Variants in CAMKMT observed in about 807,000 individuals in gnomAD.
CAMKMT encodes the protein CaM KMT.
CAMKMT carries 53 observed loss-of-function variants against 48.0 expected under a neutral mutation model. The ratio of observed to expected loss-of-function variants is 1.10; its 90% CI spans 0.89 to 1.39. CAMKMT has a LOEUF of 1.39. CAMKMT is among the 40% of genes most tolerant of loss of function. CAMKMT has a pLI of 0.00. For synonymous variants in CAMKMT, 165 were observed against 152.3 expected (o/e 1.08, Z -0.61); for missense variants, 428 against 402.7 (o/e 1.06, Z -0.54).
At chr2:44,629,966 A>G (rs966944663) in intron 3 of CAMKMT, among the ~76,000 whole-genome samples, 18 of 151,904 alleles carry the variant, frequency 1.2e-4, no homozygotes, top group Non-Finnish European at 2.1e-4. Context: ...GAACAAAGCC[A>G]GAGGCATCAC....
chr2:44,627,261 T>C (rs1251930986), intron 3 of CAMKMT, among the ~76,000 whole-genome samples: 1 of 152,188 alleles, frequency 6.6e-6, no homozygotes, highest in Non-Finnish European at 1.5e-5. Flanking sequence ...CTGGATTTGA[T>C]TTGCTATTTT....
intron 7 of CAMKMT, among the ~76,000 whole-genome samples, chr2:44,716,559 G>A (rs1235747531): frequency 6.6e-6 from 1 of 152,154 alleles, no homozygotes; most frequent in African/African-American, 2.4e-5. Context: ...AGCATATTCT[G>A]TGTTTCTCAT....
At chr2:44,363,460 C>G (rs889441363) in intron 1 of CAMKMT, among the ~76,000 whole-genome samples, 3 of 151,864 alleles carry the variant, frequency 2.0e-5, no homozygotes, top group African/African-American at 7.3e-5. Context: ...TCACCACAAC[C>G]TCCGCCTCTA....
chr2:44,639,864 A>G (rs1390810998), intron 3 of CAMKMT, among the ~76,000 whole-genome samples: 2 of 152,244 alleles, frequency 1.3e-5, no homozygotes, highest in Non-Finnish European at 1.5e-5. Flanking sequence ...TTAAAAGCAC[A>G]TAATGCATTT....
chr2:44,535,153 T>G (rs1484934685), intron 3 of CAMKMT, among the ~76,000 whole-genome samples: 1 of 152,016 alleles, frequency 6.6e-6, no homozygotes, highest in East Asian at 1.9e-4. Context: ...CTTAAGGAAA[T>G]GCATAAATTC....
intron 3 of CAMKMT, among the ~76,000 whole-genome samples, chr2:44,580,038 T>A (rs1343388388): frequency 6.6e-6 from 1 of 152,132 alleles, no homozygotes; most frequent in Non-Finnish European, 1.5e-5. Context: ...AGTTAAGAAT[T>A]TGTGTGCTTC....
intron 3 of CAMKMT, among the ~76,000 whole-genome samples, chr2:44,420,071 A>G (rs1366510712): frequency 1.3e-5 from 2 of 152,214 alleles, no homozygotes; most frequent in Admixed American, 1.3e-4. Flanking sequence ...AGGAAATTAC[A>G]CAATTATTTT....
chr2:44,768,361 ATTTTTTTTT>A (rs1553448674), intron 10 of CAMKMT, among the ~76,000 whole-genome samples: 1 of 115,744 alleles, frequency 8.6e-6, no homozygotes, highest in Non-Finnish European at 1.7e-5. Context: ...ATATATATAT[ATTTTTTTTT>A]TTTTTTTAAT....
At chr2:44,733,817 T>C (rs1199779835) in intron 7 of CAMKMT, among the ~76,000 whole-genome samples, 1 of 152,188 alleles carries the variant, frequency 6.6e-6, no homozygotes, top group Non-Finnish European at 1.5e-5. Flanking sequence ...CATTGCCATA[T>C]GTATGTTCAT....
chr2:44,411,874 C>A (rs768572130), intron 3 of CAMKMT, among the ~76,000 whole-genome samples: 2 of 151,638 alleles, frequency 1.3e-5, no homozygotes, highest in Non-Finnish European at 2.9e-5. Context: ...AATCTTTAAC[C>A]TCTCTTTCAT....
intron 3 of CAMKMT, among the ~76,000 whole-genome samples, chr2:44,556,394 C>T (rs1263823878): frequency 6.6e-6 from 1 of 151,324 alleles, no homozygotes; most frequent in Non-Finnish European, 1.5e-5. Context: ...CTGCCTCGGC[C>T]TCTCAAAGTG....
intron 3 of CAMKMT, among the ~76,000 whole-genome samples, chr2:44,623,578 A>G (rs1672313271): frequency 6.6e-6 from 1 of 152,214 alleles, no homozygotes; most frequent in Non-Finnish European, 1.5e-5. Context: ...TTTATTGAAT[A>G]GGGAGTCTTT....
intron 3 of CAMKMT, among the ~76,000 whole-genome samples, chr2:44,632,671 G>C (rs1378197070): frequency 6.6e-6 from 1 of 152,184 alleles, no homozygotes; most frequent in East Asian, 1.9e-4. Context: ...TAAGGGTGTT[G>C]CCAAAGGAGA....
At chr2:44,529,216 G>T (rs930541971) in intron 3 of CAMKMT, among the ~76,000 whole-genome samples, 2 of 152,104 alleles carry the variant, frequency 1.3e-5, no homozygotes, top group Non-Finnish European at 2.9e-5. Context: ...ATATCATTAT[G>T]AACTCCTAGA....
At chr2:44,485,839 G>A (rs1007742997) in intron 3 of CAMKMT, among the ~76,000 whole-genome samples, 4 of 152,188 alleles carry the variant, frequency 2.6e-5, no homozygotes, top group Non-Finnish European at 5.9e-5. Context: ...AAACCAATCT[G>A]TGGTGTTAGA....
chr2:44,458,541 G>T (rs945948409), intron 3 of CAMKMT, among the ~76,000 whole-genome samples: 10 of 152,092 alleles, frequency 6.6e-5, no homozygotes, highest in African/African-American at 2.4e-4. Flanking sequence ...AAGATGAAAA[G>T]GTCTGCTTTC....
chr2:44,490,128 C>T (rs1669415888), intron 3 of CAMKMT, among the ~76,000 whole-genome samples: 1 of 151,946 alleles, frequency 6.6e-6, no homozygotes, highest in Non-Finnish European at 1.5e-5. Context: ...AATCCTTTTC[C>T]ACACAGATAT....
chr2:44,453,176 G>A (rs1008969882), intron 3 of CAMKMT, among the ~76,000 whole-genome samples: 8 of 151,946 alleles, frequency 5.3e-5, no homozygotes, highest in Admixed American at 1.3e-4. Context: ...ATTATTAAAA[G>A]TAGATGTGGC....
At chr2:44,485,430 A>C (rs192666503) in intron 3 of CAMKMT, among the ~76,000 whole-genome samples, 1 of 152,380 alleles carries the variant, frequency 6.6e-6, no homozygotes, top group Admixed American at 6.5e-5. Context: ...TGTTGAGCAA[A>C]AGATGACAGA....
Sources: allele counts gnomAD v4.1 joint callset (sites outside exome capture counted in the v4.1 genomes callset), GRCh38; gene constraint gnomAD v4.1.1; transcripts MANE v1.5; gene names NCBI Gene and HGNC (gene_info 2026-07-23, HGNC 2026-07-21).